The following MINDY3 variants were observed in gnomAD, a reference collection of about 807,000 sequenced individuals.
The protein encoded by MINDY3 is MINDY lysine 48 deubiquitinase 3.
Under a neutral mutation model 69.2 loss-of-function variants are expected in MINDY3, and 38 were observed. That is an observed-to-expected ratio of 0.55 (90% CI 0.42 to 0.72). The LOEUF (loss-of-function observed/expected upper bound fraction) is 0.72. Ranked by LOEUF, MINDY3 falls within the 30% of genes least tolerant of loss-of-function variation. The probability of loss-of-function intolerance (pLI) is 0.00; values close to 1 mark genes in which losing one functional copy is unlikely to be tolerated. For synonymous variants in MINDY3, 192 were observed against 180.1 expected (o/e 1.07, Z -0.53); for missense variants, 522 against 519.0 (o/e 1.01, Z -0.06).
chr10:15,837,886 G>A, intron 5 of MINDY3: 2 of 939,282 alleles, frequency 2.1e-6, no homozygotes, highest in South Asian at 9.8e-5. Flanking sequence ...AACAGATACT[G>A]GCAAATAAAT....
intron 10 of MINDY3, among the ~76,000 whole-genome samples, chr10:15,798,635 C>G (rs1838020808): frequency 6.6e-6 from 1 of 151,974 alleles, no homozygotes; most frequent in Non-Finnish European, 1.5e-5. Context: ...CAAAAAATAG[C>G]TGGGTGTGGT....
intron 4 of MINDY3, 124 bp from the exon 5 acceptor site, chr10:15,838,403 C>G: frequency 1.4e-6 from 1 of 709,446 alleles, no homozygotes; most frequent in Non-Finnish European, 2.1e-6. Flanking sequence ...CCTTAAAATT[C>G]TCAGTTTATT....
At chr10:15,847,559 A>G (rs1471035252) in intron 2 of MINDY3, among the ~76,000 whole-genome samples, 1 of 152,160 alleles carries the variant, frequency 6.6e-6, no homozygotes, top group African/African-American at 2.4e-5. Context: ...AGTGTATAAC[A>G]TGTTATTACT....
intron 10 of MINDY3, among the ~76,000 whole-genome samples, chr10:15,804,328 T>C (rs1049048750): frequency 2.6e-5 from 4 of 152,142 alleles, no homozygotes; most frequent in African/African-American, 4.8e-5. Flanking sequence ...AGCTCTGTAT[T>C]ATCAGTGTAA....
intron 2 of MINDY3, among the ~76,000 whole-genome samples, chr10:15,843,811 A>G (rs73589635): frequency 0.012 from 1,861 of 152,242 alleles, 39 homozygotes; most frequent in East Asian, 0.038. Context: ...CCCTTAAGCG[A>G]GTCAACGATG....
At chr10:15,837,531 A>C (rs1833171470) in intron 5 of MINDY3, 3 of 1,443,202 alleles carry the variant, frequency 2.1e-6, no homozygotes, top group Non-Finnish European at 1.9e-6. Flanking sequence ...TCATTAAGAA[A>C]GAACACCTAC....
chr10:15,838,927 C>T (rs1243784421), intron 4 of MINDY3, among the ~76,000 whole-genome samples: 3 of 151,750 alleles, frequency 2.0e-5, no homozygotes, highest in South Asian at 4.1e-4. Context: ...ACATGTCTTA[C>T]CTCATTTAAT....
chr10:15,788,715 A>G (rs77603170), intron 12 of MINDY3: 1 of 152,450 alleles, frequency 6.6e-6, no homozygotes, highest in African/African-American at 2.4e-5. Flanking sequence ...AACAGTGAGA[A>G]TGAAGACAAT....
intron 9 of MINDY3, among the ~76,000 whole-genome samples, chr10:15,818,758 C>G (rs1184412327): frequency 6.6e-6 from 1 of 152,136 alleles, no homozygotes; most frequent in Non-Finnish European, 1.5e-5. Context: ...CTACATGATT[C>G]CATTGGTATG....
Position 15,778,984 on chromosome 10 carries a change from T to A in MINDY3, c.*8A>T, listed in dbSNP as rs752377370. ...TATTAAGATCTTCCTTATAAATACT[T>A]AGACAAATTAATTTAGTGAAGGAGA... is the stretch of plus-strand genomic sequence containing the variant. On this transcript the variant is annotated 3_prime_UTR_variant, in exon 15 of 15. Coordinates refer to ENST00000277632, the MANE Select transcript of MINDY3 (RefSeq NM_024948.4). 1 of 1,611,136 alleles carries A rather than the reference T, an allele frequency of 6.2e-7. No individual in the cohort carries two copies. Among genetic ancestry groups the A allele is most frequent in the Non-Finnish European group, 8.5e-7 (1 of 1,178,270 alleles).
intron 12 of MINDY3, 48 bp downstream of exon 12, chr10:15,789,199 A>T: frequency 6.8e-7 from 1 of 1,465,832 alleles, no homozygotes; most frequent in Non-Finnish European, 9.5e-7. Context: ...TCTTAAACTT[A>T]ATCGAATCTT....
intron 8 of MINDY3, among the ~76,000 whole-genome samples, chr10:15,823,637 T>C (rs898625432): frequency 2.0e-5 from 3 of 152,166 alleles, no homozygotes; most frequent in Non-Finnish European, 4.4e-5. Flanking sequence ...TAAACACATA[T>C]ACTACATAAT....
At chr10:15,782,090 T>C (rs1564447499) in intron 14 of MINDY3, 65 bp downstream of exon 14, 1 of 1,157,790 alleles carries the variant, frequency 8.6e-7, no homozygotes, top group Non-Finnish European at 1.3e-6. Context: ...TCGAACATTG[T>C]TACATACTCA....
intron 10 of MINDY3, among the ~76,000 whole-genome samples, chr10:15,797,925 T>C (rs1251897119): frequency 1.3e-5 from 2 of 152,150 alleles, no homozygotes; most frequent in Non-Finnish European, 2.9e-5. Context: ...TCTTTTTCAA[T>C]TGTCTCCGTT....
chr10:15,816,312 A>G (rs1839369054), intron 10 of MINDY3, among the ~76,000 whole-genome samples: 1 of 151,774 alleles, frequency 6.6e-6, no homozygotes, highest in African/African-American at 2.4e-5. Flanking sequence ...AAGACAAGAA[A>G]AGAAATATTC....
intron 9 of MINDY3, among the ~76,000 whole-genome samples, chr10:15,820,424 G>A (rs901078555): frequency 1.7e-4 from 26 of 152,124 alleles, no homozygotes; most frequent in African/African-American, 2.2e-4. Context: ...CATACAAGAC[G>A]CAGGCATGCG....
At chr10:15,843,070 G>T (rs1833592463) in intron 3 of MINDY3, 142 bp downstream of exon 3, 1 of 680,660 alleles carries the variant, frequency 1.5e-6, no homozygotes, top group Non-Finnish European at 2.6e-6. Context: ...TGGAGTCACT[G>T]TTCATGAAAC....
intron 10 of MINDY3, among the ~76,000 whole-genome samples, chr10:15,814,546 CAA>C (rs2131968946): frequency 6.7e-6 from 1 of 150,310 alleles, no homozygotes; most frequent in African/African-American, 2.5e-5. Context: ...GTATAAAATT[CAA>C]GAGTTCTACA....
At chr10:15,859,900 G>A (rs997829773) in intron 1 of MINDY3, among the ~76,000 whole-genome samples, 2 of 152,208 alleles carry the variant, frequency 1.3e-5, no homozygotes, top group Admixed American at 6.5e-5. Context: ...GGCACGGGGC[G>A]CATCTTCCGT....
Sources: allele counts gnomAD v4.1 joint callset (sites outside exome capture counted in the v4.1 genomes callset), GRCh38; gene constraint gnomAD v4.1.1; transcripts MANE v1.5; gene names NCBI Gene and HGNC (gene_info 2026-07-23, HGNC 2026-07-21).